EXOC4: variants seen among roughly 807,000 people sequenced by gnomAD.
The protein encoded by EXOC4 is SEC8-like 1.
EXOC4 carries 71 observed loss-of-function variants against 107.2 expected under a neutral mutation model. That is an observed-to-expected ratio of 0.66 (90% CI 0.55 to 0.81). EXOC4 has a LOEUF of 0.81. Among genes scored for constraint, EXOC4 ranks in the 30% least tolerant of loss-of-function variants. The probability of loss-of-function intolerance (pLI) is 0.00; values close to 1 mark genes in which losing one functional copy is unlikely to be tolerated. For synonymous variants in EXOC4, 456 were observed against 441.2 expected (o/e 1.03, Z -0.42); for missense variants, 1,108 against 1,189.6 (o/e 0.93, Z 1.01).
In EXOC4 at chr7:133,979,563, G is replaced by A. The variant is rs530614046; in HGVS notation, c.2207-17929G>A. Among the ~76,000 whole-genome samples, 29 of 152,220 alleles carry A rather than the reference G, an allele frequency of 1.9e-4. No homozygotes were observed. The Middle Eastern group carries it at 0.01, about 54-fold the overall frequency. Reference sequence around the variant, plus strand: ...AGCACTTTGGGAGGCCCAGGCAGGTGGATCACAAGGTCAAGAGATCGAGAT... The same window carrying A: ...AGCACTTTGGGAGGCCCAGGCAGGTAGATCACAAGGTCAAGAGATCGAGAT... On this transcript the variant is annotated intron_variant, in intron 14 of 17. Coordinates refer to ENST00000253861, the MANE Select transcript of EXOC4 (RefSeq NM_021807.4).
At chr7:133,378,152 T>C (rs1335781355) in intron 7 of EXOC4, among the ~76,000 whole-genome samples, 1 of 151,396 alleles carries the variant, frequency 6.6e-6, no homozygotes, top group African/African-American at 2.4e-5. Context: ...CTATGAAAAA[T>C]ACAAAAGAAT....
At chr7:133,281,937 A>G (rs1794163638) in intron 2 of EXOC4, among the ~76,000 whole-genome samples, 1 of 152,136 alleles carries the variant, frequency 6.6e-6, no homozygotes, top group African/African-American at 2.4e-5. Flanking sequence ...TCCTGACTTC[A>G]GGTAATCTGC....
chr7:133,447,120 A>C (rs1798238106), intron 7 of EXOC4, among the ~76,000 whole-genome samples: 1 of 152,206 alleles, frequency 6.6e-6, no homozygotes, highest in African/African-American at 2.4e-5. Flanking sequence ...GATTCTGACC[A>C]AGTCAACTCC....
At chr7:134,039,182 T>C (rs544891899) in intron 17 of EXOC4, among the ~76,000 whole-genome samples, 1 of 152,280 alleles carries the variant, frequency 6.6e-6, no homozygotes, top group East Asian at 1.9e-4. Flanking sequence ...TAGATAAATG[T>C]ATATGTACTC....
chr7:133,814,757 T>A (rs1797325212), intron 10 of EXOC4, among the ~76,000 whole-genome samples: 2 of 152,250 alleles, frequency 1.3e-5, no homozygotes, highest in Non-Finnish European at 2.9e-5. Flanking sequence ...TAGTTTACTT[T>A]GCATTTTTCT....
At chr7:133,380,703 T>C (rs1386573222) in intron 7 of EXOC4, among the ~76,000 whole-genome samples, 2 of 152,204 alleles carry the variant, frequency 1.3e-5, no homozygotes, top group African/African-American at 2.4e-5. Flanking sequence ...GTATCAATTA[T>C]GTGTTATATC....
chr7:133,811,353 T>C (rs1797226419), intron 10 of EXOC4, among the ~76,000 whole-genome samples: 1 of 152,188 alleles, frequency 6.6e-6, no homozygotes, highest in Non-Finnish European at 1.5e-5. Context: ...ATGAGGAGCA[T>C]TGTTGGGAAA....
intron 14 of EXOC4, among the ~76,000 whole-genome samples, chr7:133,981,891 G>A (rs1793988436): frequency 6.6e-6 from 1 of 151,906 alleles, no homozygotes; most frequent in Admixed American, 6.6e-5. Context: ...AAGAAAATGT[G>A]GTCCATATAT....
chr7:133,584,360 CT>C (rs1563116554), intron 9 of EXOC4, among the ~76,000 whole-genome samples: 1 of 152,016 alleles, frequency 6.6e-6, no homozygotes, highest in African/African-American at 2.4e-5. Flanking sequence ...GCCCAAAACC[CT>C]TTTCTTACTA....
At chr7:133,883,217 A>G (rs999460757) in intron 11 of EXOC4, among the ~76,000 whole-genome samples, 2 of 152,110 alleles carry the variant, frequency 1.3e-5, no homozygotes, top group Non-Finnish European at 2.9e-5. Flanking sequence ...TGTTGCATGT[A>G]GCAGTAGCTT....
In EXOC4 at chr7:133,971,334, G is replaced by GTATATATATATATA. The variant is rs1206467959; in HGVS notation, c.2207-26143_2207-26130dup. The stretch of plus-strand genomic sequence containing the variant: ...CTTATAAGAAATGTGGGGAAAATGT[G>GTATATATATATATA]TATATATATATATATATATATATAT... On this transcript the variant is annotated intron_variant, in intron 14 of 17. Transcript: ENST00000253861. Among the ~76,000 whole-genome samples the GTATATATATATATA allele has an allele frequency of 3.1e-3, 128 of 41,738 alleles. 2 individuals carry two copies. Among genetic ancestry groups the GTATATATATATATA allele is most frequent in the Admixed American group, 0.016 (33 of 2,044 alleles). The allele number at this position is 41,738 out of a possible 152,430, so 27.4% of individuals were successfully genotyped here.
chr7:134,014,393 A>G (rs935089896), intron 17 of EXOC4, among the ~76,000 whole-genome samples: 2 of 152,060 alleles, frequency 1.3e-5, no homozygotes, highest in East Asian at 3.9e-4. Context: ...ACAGAGCGAG[A>G]CTCCGTCTCA....
chr7:133,605,478 C>CT (rs1031318914), intron 9 of EXOC4, among the ~76,000 whole-genome samples: 7 of 152,288 alleles, frequency 4.6e-5, no homozygotes, highest in Admixed American at 2.6e-4. Context: ...GTTTTGGACA[C>CT]TAAGTATAAT....
At chr7:133,360,280 A>G (rs1796108277) in intron 6 of EXOC4, among the ~76,000 whole-genome samples, 2 of 152,252 alleles carry the variant, frequency 1.3e-5, no homozygotes, top group Non-Finnish European at 2.9e-5. Context: ...TAAGGAAGAG[A>G]TGGAAGAAAA....
intron 10 of EXOC4, among the ~76,000 whole-genome samples, chr7:133,663,950 C>T (rs922739710): frequency 3.3e-5 from 5 of 152,060 alleles, no homozygotes; most frequent in African/African-American, 4.8e-5. Flanking sequence ...ATAATCTGCC[C>T]CTACTGGTTG....
At chr7:133,759,040 A>G (rs1027646102) in intron 10 of EXOC4, among the ~76,000 whole-genome samples, 1 of 152,166 alleles carries the variant, frequency 6.6e-6, no homozygotes, top group Non-Finnish European at 1.5e-5. Flanking sequence ...TTTAAATGTG[A>G]TGAATTTTTT....
At chr7:133,964,983 C>T (rs1259363587) in intron 14 of EXOC4, among the ~76,000 whole-genome samples, 1 of 152,200 alleles carries the variant, frequency 6.6e-6, no homozygotes, top group East Asian at 1.9e-4. Context: ...ACATCCCCTC[C>T]AGCATCTGTT....
chr7:133,525,222 T>A (rs556351641), intron 9 of EXOC4, among the ~76,000 whole-genome samples: 1 of 152,296 alleles, frequency 6.6e-6, no homozygotes, highest in South Asian at 2.1e-4. Flanking sequence ...ATTATTAATA[T>A]CACTGAGCTG....
intron 11 of EXOC4, among the ~76,000 whole-genome samples, chr7:133,846,456 G>T (rs1401006089): frequency 6.6e-6 from 1 of 152,164 alleles, no homozygotes; most frequent in Non-Finnish European, 1.5e-5. Flanking sequence ...GTCCTTGCAT[G>T]CTATGTGGGT....
Sources: gnomAD v4.1 joint callset for allele counts (sites outside exome capture counted in the v4.1 genomes callset) on GRCh38, gnomAD v4.1.1 for gene constraint, MANE v1.5 for transcripts, NCBI Gene and HGNC (gene_info 2026-07-23, HGNC 2026-07-21) for gene names.